Variants in CADM2 observed in about 807,000 individuals in gnomAD.
The protein encoded by CADM2 is immunoglobulin superfamily member 4D.
In CADM2, 12 loss-of-function variants were observed where a neutral mutation model predicts 49.8. That is an observed-to-expected ratio of 0.24 (90% CI 0.15 to 0.39). The LOEUF (loss-of-function observed/expected upper bound fraction) is 0.39. CADM2 is among the 10% of genes least tolerant of loss of function. The pLI is 1.00. For synonymous variants in CADM2, 214 were observed against 175.4 expected (o/e 1.22, Z -1.74); for missense variants, 378 against 492.3 (o/e 0.77, Z 2.20).
intron 3 of CADM2, among the ~76,000 whole-genome samples, chr3:85,860,604 T>C (rs1023479549): frequency 6.6e-6 from 1 of 152,190 alleles, no homozygotes. Flanking sequence ...GGTGCATAGA[T>C]AGCACCATCT....
chr3:85,568,467 T>TTCTTTCTCTTTC (rs1559916047), intron 1 of CADM2, among the ~76,000 whole-genome samples: 2 of 24,536 alleles, frequency 8.2e-5, no homozygotes, highest in African/African-American at 2.4e-4. Flanking sequence ...TTCTTTCTCT[T>TTCTTTCTCTTTC]TCTCTCTCTT....
At chr3:85,637,586 G>T (rs868508197) in intron 1 of CADM2, among the ~76,000 whole-genome samples, 1,201 of 73,648 alleles carry the variant, frequency 0.016, 17 homozygotes, top group African/African-American at 0.064. Context: ...TCCGGCCTGG[G>T]CGACAGAGCG....
At chr3:85,172,338 A>G (rs1007011780) in intron 1 of CADM2, among the ~76,000 whole-genome samples, 11 of 152,260 alleles carry the variant, frequency 7.2e-5, no homozygotes, top group African/African-American at 1.9e-4. Flanking sequence ...ATCACTTATT[A>G]GCAAAGTAAT....
chr3:85,564,386 A>G lies in CADM2; in HGVS notation c.62-162136A>G, dbSNP rs1292775865. On this transcript the variant is annotated intron_variant, in intron 1 of 9. Transcript: ENST00000383699. ...TAGCAATGAAATATGCCTCAAGGATATAAGTCTTAGAGTAAGAGTCTAGCA... is the reference window on the plus strand; with the variant it reads ...TAGCAATGAAATATGCCTCAAGGATGTAAGTCTTAGAGTAAGAGTCTAGCA... Among the ~76,000 whole-genome samples the G allele has an allele frequency of 2.0e-5, 3 of 152,134 alleles. No homozygotes were observed. In the East Asian group the frequency reaches 5.8e-4, roughly 29 times the overall value.
At position 85,067,782 on chromosome 3, in the gene CADM2, T is replaced by C. The variant is rs149572683; in HGVS notation, c.61+108114T>C. On this transcript the variant is annotated intron_variant, in intron 1 of 9. Transcript: ENST00000383699. ...GAATTAATCTAAGCTGCCTTTATTT[T>C]TGAAATACTTATTTACATTGTTTCT... Among the ~76,000 whole-genome samples, 371 of 152,292 alleles carry C rather than the reference T, an allele frequency of 2.4e-3. 11 individuals carry two copies. In the East Asian group the frequency reaches 0.048, roughly 20 times the overall value.
intron 2 of CADM2, among the ~76,000 whole-genome samples, chr3:85,776,513 A>G (rs1303715820): frequency 6.6e-6 from 1 of 152,018 alleles, no homozygotes; most frequent in East Asian, 1.9e-4. Flanking sequence ...TATTATTTGA[A>G]TGAACAGTTG....
intron 8 of CADM2, among the ~76,000 whole-genome samples, chr3:86,017,588 G>T (rs1024663481): frequency 4.0e-5 from 6 of 151,754 alleles, no homozygotes; most frequent in African/African-American, 1.5e-4. Context: ...AATTAGCCGG[G>T]CACAGTAGCA....
chr3:85,981,683 G>T (rs1299761435), intron 8 of CADM2, among the ~76,000 whole-genome samples: 2 of 151,630 alleles, frequency 1.3e-5, no homozygotes, highest in African/African-American at 4.8e-5. Context: ...CAAAGGATAT[G>T]ATCTCATTCT....
At chr3:85,387,958 T>G (rs2034324384) in intron 1 of CADM2, among the ~76,000 whole-genome samples, 2 of 152,194 alleles carry the variant, frequency 1.3e-5, no homozygotes, top group African/African-American at 2.4e-5. Context: ...TAAGTTAGAT[T>G]ATCTGCATAA....
At chr3:86,050,335 C>T (rs1737191868) in intron 8 of CADM2, among the ~76,000 whole-genome samples, 1 of 152,232 alleles carries the variant, frequency 6.6e-6, no homozygotes, top group Non-Finnish European at 1.5e-5. Context: ...ATTCCTGTGA[C>T]TTTGCAGAGT....
chr3:85,060,268 A>T (rs998552486), intron 1 of CADM2, among the ~76,000 whole-genome samples: 1 of 151,912 alleles, frequency 6.6e-6, no homozygotes, highest in Non-Finnish European at 1.5e-5. Flanking sequence ...GTGGGATTAC[A>T]GGCGCCCACC....
At chr3:85,457,076 C>T (rs2038024571) in intron 1 of CADM2, among the ~76,000 whole-genome samples, 1 of 151,646 alleles carries the variant, frequency 6.6e-6, no homozygotes, top group Non-Finnish European at 1.5e-5. Context: ...TTGTAATCAC[C>T]CCAAACTGTT....
intron 1 of CADM2, among the ~76,000 whole-genome samples, chr3:85,308,968 CTGA>C (rs1313152914): frequency 1.3e-5 from 2 of 152,054 alleles, no homozygotes; most frequent in African/African-American, 4.8e-5. Flanking sequence ...ACAACAGACA[CTGA>C]TGAAGTCCCT....
chr3:85,043,388 A>G (rs1038287721), intron 1 of CADM2, among the ~76,000 whole-genome samples: 1 of 151,854 alleles, frequency 6.6e-6, no homozygotes, highest in Admixed American at 6.6e-5. Context: ...GACCATGAAC[A>G]TGTCTGTTAG....
At chr3:85,276,472 A>G (rs1360275777) in intron 1 of CADM2, among the ~76,000 whole-genome samples, 3 of 151,372 alleles carry the variant, frequency 2.0e-5, no homozygotes, top group Non-Finnish European at 4.4e-5. Flanking sequence ...ATTAAATTCT[A>G]TCTTTGACTC....
At chr3:85,408,764 A>T (rs534764285) in intron 1 of CADM2, among the ~76,000 whole-genome samples, 15 of 152,206 alleles carry the variant, frequency 9.9e-5, no homozygotes, top group South Asian at 2.1e-4. Context: ...AGGAGCAAAC[A>T]TATTTGAAAA....
At chr3:85,775,273 A>G (rs2070305495) in intron 2 of CADM2, among the ~76,000 whole-genome samples, 1 of 151,796 alleles carries the variant, frequency 6.6e-6, no homozygotes, top group East Asian at 1.9e-4. Flanking sequence ...ATTCTTTCAA[A>G]TCTTTAAATG....
intron 1 of CADM2, among the ~76,000 whole-genome samples, chr3:85,697,724 A>T (rs1185515782): frequency 1.3e-5 from 2 of 152,194 alleles, no homozygotes; most frequent in African/African-American, 4.8e-5. Context: ...GAAGACACAA[A>T]TTATTGACAG....
At chr3:85,488,214 T>A (rs1448056932) in intron 1 of CADM2, among the ~76,000 whole-genome samples, 2 of 152,204 alleles carry the variant, frequency 1.3e-5, no homozygotes, top group East Asian at 3.9e-4. Context: ...TCAAATTCAT[T>A]TGACTGTCAG....
Sources: allele counts gnomAD v4.1 joint callset (sites outside exome capture counted in the v4.1 genomes callset), GRCh38; gene constraint gnomAD v4.1.1; transcripts MANE v1.5; gene names NCBI Gene and HGNC (gene_info 2026-07-23, HGNC 2026-07-21).